Variants in PABIR3 observed in about 807,000 individuals in gnomAD.
PABIR3 encodes the protein PABIR family member 3, also known as PABIR family member 1.
In PABIR3, 20 loss-of-function variants were observed where a neutral mutation model predicts 23.1. The observed-to-expected ratio is 0.86, with a 90% CI of 0.61 to 1.26. The LOEUF is 1.26. Among genes scored for constraint, PABIR3 ranks in the 50% most tolerant of loss-of-function variants. The pLI is 0.00. For synonymous variants in PABIR3, 69 were observed against 68.5 expected (o/e 1.01, Z -0.04); for missense variants, 189 against 195.4 (o/e 0.97, Z 0.20).
chrX:134,828,049 A>C (rs539427728), intron 3 of PABIR3, among the ~76,000 whole-genome samples: 3,902 of 67,149 alleles, frequency 0.058, 76 homozygotes, highest in Non-Finnish European at 0.067. Flanking sequence ...CTCTCTCTCT[A>C]TATATATATA....
chrX:134,825,849 TGTCTTTA>T (rs1179245831), intron 3 of PABIR3, among the ~76,000 whole-genome samples: 5 of 98,111 alleles, frequency 5.1e-5, no homozygotes, highest in African/African-American at 2.0e-4. Flanking sequence ...TTTTTTTTTT[TGTCTTTA>T]GTAGAGATGG....
intron 4 of PABIR3, among the ~76,000 whole-genome samples, chrX:134,844,747 CTCA>C (rs1258401645): frequency 1.8e-5 from 2 of 111,369 alleles, no homozygotes; most frequent in East Asian, 5.6e-4. Flanking sequence ...TTATGTTTGT[CTCA>C]TCATTTACTT....
At chrX:134,820,607 A>C (rs2081219851) in intron 3 of PABIR3, among the ~76,000 whole-genome samples, 1 of 111,750 alleles carries the variant, frequency 8.9e-6, no homozygotes, top group Non-Finnish European at 1.9e-5. Context: ...GCTGCACAAC[A>C]GTGGGAATGT....
Position 134,847,449 on chromosome X carries a change from G to T in PABIR3, c.412G>T (p.Ala138Ser). 3.3e-6 allele frequency: 4 copies of T among 1,203,209 alleles called. No homozygotes were observed. The highest frequency in any genetic ancestry group is 4.5e-6 in the Non-Finnish European group (4 of 888,542). Residue 138 changes from alanine to serine, a missense_variant, in exon 7 of 11, where the codon GCT (alanine) becomes TCT (serine). Transcript: ENST00000645433. ...CIDLTPVSSM[A>S]SSIKKTGKQC... ...TGATTTAACTCCAGTATCCTCAATG[G>T]CTTCTTCCATCAAGAAGACTGGGAA... is the stretch of plus-strand genomic sequence containing the variant.
intron 2 of PABIR3, among the ~76,000 whole-genome samples, chrX:134,814,002 A>G (rs2080827590): frequency 3.7e-5 from 4 of 108,759 alleles, no homozygotes; most frequent in African/African-American, 1.3e-4. Context: ...GAAATCTTTC[A>G]GTGTGCAAAA....
downstream of PABIR3, among the ~76,000 whole-genome samples, chrX:134,859,730 T>C (rs900609095): frequency 8.9e-6 from 1 of 112,152 alleles, no homozygotes; most frequent in African/African-American, 3.2e-5. Context: ...TTGATAATTA[T>C]TATATGGCAA....
At chrX:134,828,055 A>C (rs1245070861) in intron 3 of PABIR3, among the ~76,000 whole-genome samples, 33 of 97,242 alleles carry the variant, frequency 3.4e-4, no homozygotes, top group African/African-American at 7.7e-4. Flanking sequence ...CTCTATATAT[A>C]TATATATATA....
intron 9 of PABIR3, among the ~76,000 whole-genome samples, chrX:134,851,684 A>G (rs144529731): frequency 0.017 from 1,926 of 112,117 alleles, 45 homozygotes; most frequent in African/African-American, 0.058. Context: ...ATATGTTTTG[A>G]TTTGTCATGT....
At chrX:134,852,461 C>T (rs754013772) in intron 9 of PABIR3, among the ~76,000 whole-genome samples, 144 of 108,584 alleles carry the variant, frequency 1.3e-3, no homozygotes, top group Middle Eastern at 9.9e-3. Flanking sequence ...GGTGACAGAG[C>T]GACTTCTTCA....
intron 3 of PABIR3, among the ~76,000 whole-genome samples, chrX:134,824,821 GA>G (rs1029314079): frequency 9.0e-6 from 1 of 110,714 alleles, no homozygotes; most frequent in African/African-American, 3.3e-5. Context: ...AAAGAAAAAA[GA>G]AAAAAAATAA....
At chrX:134,804,880 G>A (rs1407981666), upstream of PABIR3, among the ~76,000 whole-genome samples, 3 of 112,124 alleles carry the variant, frequency 2.7e-5, no homozygotes, top group African/African-American at 9.7e-5. Flanking sequence ...AAACGTTCAG[G>A]TACCCTGGGA....
intron 2 of PABIR3, chrX:134,809,182 TTA>T: frequency 6.6e-6 from 1 of 152,607 alleles, no homozygotes; most frequent in African/African-American, 3.2e-5. Context: ...TTTTTTTTTT[TTA>T]AGACGGAGTC....
intron 4 of PABIR3, among the ~76,000 whole-genome samples, chrX:134,843,061 C>T (rs1603240693): frequency 9.4e-6 from 1 of 106,040 alleles, no homozygotes; most frequent in South Asian, 4.2e-4. Flanking sequence ...TTAGCCGGGC[C>T]TGGTGGCATG....
At chrX:134,806,229 G>T (rs1044871145), upstream of PABIR3, among the ~76,000 whole-genome samples, 1 of 112,334 alleles carries the variant, frequency 8.9e-6, no homozygotes, top group Non-Finnish European at 1.9e-5. Context: ...TTTTAAAAAA[G>T]CCTCACTGCT....
chrX:134,806,605 G>A (rs1201676451), upstream of PABIR3, among the ~76,000 whole-genome samples: 1 of 96,226 alleles, frequency 1.0e-5, no homozygotes, highest in Non-Finnish European at 2.0e-5. Flanking sequence ...CAACAAGAGC[G>A]AAATTCCATC....
At chrX:134,842,034 A>C (rs1211303938) in intron 4 of PABIR3, among the ~76,000 whole-genome samples, 2 of 110,759 alleles carry the variant, frequency 1.8e-5, no homozygotes, top group African/African-American at 6.6e-5. Flanking sequence ...AATGGGGGTA[A>C]AGTGGCATCT....
the PABIR3 span, among the ~76,000 whole-genome samples, chrX:134,862,558 G>A: frequency 8.9e-6 from 1 of 112,190 alleles, no homozygotes; most frequent in Non-Finnish European, 1.9e-5. Context: ...CTAGGAGGTA[G>A]GAAAGTTGAT....
chrX:134,810,521 G>C, intron 2 of PABIR3: 2 of 753,956 alleles, frequency 2.7e-6, no homozygotes, highest in Non-Finnish European at 3.1e-6. Flanking sequence ...CCTGAGATTA[G>C]GGGACTTGCC....
At chrX:134,863,871 A>G in the PABIR3 span, among the ~76,000 whole-genome samples, 2 of 111,218 alleles carry the variant, frequency 1.8e-5, no homozygotes, top group Non-Finnish European at 3.8e-5. Flanking sequence ...ACTGAGCCCA[A>G]CGACTTCCAC....
Sources: allele counts gnomAD v4.1 joint callset (sites outside exome capture counted in the v4.1 genomes callset), GRCh38; gene constraint gnomAD v4.1.1; transcripts MANE v1.5; gene names NCBI Gene and HGNC (gene_info 2026-07-23, HGNC 2026-07-21).